TYR: variants seen among roughly 807,000 people sequenced by gnomAD.
TYR encodes the protein LB24-AB.
A neutral mutation model predicts 51.5 loss-of-function variants in TYR; 58 were observed. The observed-to-expected ratio is 1.13, with a 90% CI of 0.91 to 1.40. TYR has a LOEUF of 1.40. Among genes scored for constraint, TYR ranks in the 40% most tolerant of loss-of-function variants. The pLI is 0.00. For synonymous variants in TYR, 263 were observed against 235.2 expected (o/e 1.12, Z -1.08); for missense variants, 732 against 647.4 (o/e 1.13, Z -1.42).
At chr11:89,294,028 A>ATT (rs146465537) in intron 4 of TYR, 12,002 of 179,642 alleles carry the variant, frequency 0.067, 505 homozygotes, top group East Asian at 0.12. Flanking sequence ...TCTTTTTGTA[A>ATT]TTTTTTTTTA....
At chr11:89,293,604 C>T (rs1363007669) in intron 4 of TYR, 2 of 152,322 alleles carry the variant, frequency 1.3e-5, no homozygotes, top group African/African-American at 2.4e-5. Flanking sequence ...AAAACACACA[C>T]ACCAAAAAAA....
intron 4 of TYR, among the ~76,000 whole-genome samples, chr11:89,285,633 C>A (rs777796550): frequency 8.6e-5 from 13 of 151,732 alleles, no homozygotes; most frequent in Non-Finnish European, 1.3e-4. Context: ...TTCCTTCTAC[C>A]TGAAAGTCCA....
At position 89,275,557 on chromosome 11, in the gene TYR, G is replaced by A. The variant is rs112509318; in HGVS notation, c.1185-9216G>A. On this transcript the variant is annotated intron_variant, in intron 3 of 4. Coordinates refer to ENST00000263321, the MANE Select transcript of TYR (RefSeq NM_000372.5). ...TAAAATGGAATCAATAAAATATTAA[G>A]CAAGATATTGTTCAAAGGAAAACTT... Among the ~76,000 whole-genome samples, 139 of 151,894 alleles carry A rather than the reference G, an allele frequency of 9.2e-4. 2 individuals carry two copies. The highest frequency in any genetic ancestry group is 3.3e-3 in the African/African-American group (135 of 41,510).
intron 3 of TYR, chr11:89,283,681 T>G (rs528195440): frequency 1.3e-5 from 2 of 151,960 alleles, no homozygotes; most frequent in East Asian, 3.9e-4. Context: ...GCTCTTGTGT[T>G]CTTTCTTCTA....
At chr11:89,208,827 A>G (rs570126281) in intron 2 of TYR, among the ~76,000 whole-genome samples, 1 of 152,280 alleles carries the variant, frequency 6.6e-6, no homozygotes, top group South Asian at 2.1e-4. Context: ...GCAATTGCTT[A>G]TTTTTGTTGC....
At chr11:89,181,164 G>A (rs946541825) in intron 1 of TYR, among the ~76,000 whole-genome samples, 4 of 151,880 alleles carry the variant, frequency 2.6e-5, no homozygotes, top group African/African-American at 4.8e-5. Flanking sequence ...ACAGGGGCCT[G>A]CCACCACTCC....
rs770725604 is a variant in TYR, at chr11:89,191,308, C to T, written c.926C>T (p.Thr309Ile). Residue 309 changes from threonine to isoleucine, a missense_variant, in exon 2 of 5, where the codon ACC becomes ATC. By Grantham distance (89) the Thr-to-Ile change is moderately conservative. Transcript: ENST00000263321. ...CCTGGAAACCATGACAAATCCAGAACCCCAAGGCTCCCCTCTTCAGCTGAT... is the reference window on the plus strand; with the variant it reads ...CCTGGAAACCATGACAAATCCAGAATCCCAAGGCTCCCCTCTTCAGCTGAT... ...RNPGNHDKSR[T>I]PRLPSSADVE... 6.2e-7 allele frequency: 1 copy of T among 1,613,592 alleles called. No individual in the cohort carries two copies. The highest frequency in any genetic ancestry group is 1.3e-5 in the African/African-American group (1 of 74,858).
At position 89,206,915 on chromosome 11, in the gene TYR, A is replaced by T. The variant is rs140429529; in HGVS notation, c.1036+15497A>T. Among the ~76,000 whole-genome samples the T allele has an allele frequency of 3.3e-5, 5 of 152,258 alleles. No individual in the cohort carries two copies. In the East Asian group the frequency reaches 9.6e-4, roughly 29 times the overall value. On this transcript the variant is annotated intron_variant, in intron 2 of 4. Transcript: ENST00000263321. Reference sequence around the variant, plus strand: ...GAAAGACTTAAGGAAAATAAAATACATTTAAATAAATAAAATTAAAAACCA... The same window carrying T: ...GAAAGACTTAAGGAAAATAAAATACTTTTAAATAAATAAAATTAAAAACCA...
intron 3 of TYR, among the ~76,000 whole-genome samples, chr11:89,262,985 G>A (rs1944480336): frequency 6.6e-6 from 1 of 151,388 alleles, no homozygotes; most frequent in African/African-American, 2.4e-5. Context: ...GAGTAGGAGG[G>A]AACATTTCCT....
chr11:89,262,847 C>CAAAAAAAAAAAAAA (rs771958187), intron 3 of TYR, among the ~76,000 whole-genome samples: 3 of 19,296 alleles, frequency 1.6e-4, no homozygotes, highest in African/African-American at 6.0e-4. Context: ...GCTACTCATC[C>CAAAAAAAAAAAAAA]AAAAAAAAAA....
At chr11:89,251,922 A>C (rs890102005) in intron 3 of TYR, among the ~76,000 whole-genome samples, 2 of 151,792 alleles carry the variant, frequency 1.3e-5, no homozygotes, top group Non-Finnish European at 2.9e-5. Context: ...TGAGGTATGG[A>C]GGTGAGGGAA....
At chr11:89,264,525 A>G (rs1944501215) in intron 3 of TYR, among the ~76,000 whole-genome samples, 1 of 152,006 alleles carries the variant, frequency 6.6e-6, no homozygotes, top group South Asian at 2.1e-4. Flanking sequence ...TTGAAGACCT[A>G]AAGATGGAAA....
At chr11:89,216,571 TG>T (rs1402137748) in intron 2 of TYR, among the ~76,000 whole-genome samples, 6 of 143,476 alleles carry the variant, frequency 4.2e-5, no homozygotes, top group African/African-American at 8.0e-5. Flanking sequence ...GAGAATCGCT[TG>T]AACCCAGGAG....
intron 3 of TYR, among the ~76,000 whole-genome samples, chr11:89,279,383 G>A (rs573732306): frequency 3.3e-5 from 5 of 151,704 alleles, no homozygotes; most frequent in Admixed American, 2.6e-4. Context: ...TGCCCTATAC[G>A]TAGGAGGAGG....
intron 2 of TYR, among the ~76,000 whole-genome samples, chr11:89,220,214 T>C (rs1943889975): frequency 6.6e-6 from 1 of 152,144 alleles, no homozygotes; most frequent in African/African-American, 2.4e-5. Context: ...GACATCTGCC[T>C]GGCTTCTGGG....
intron 2 of TYR, among the ~76,000 whole-genome samples, chr11:89,224,021 C>T (rs939347048): frequency 4.0e-5 from 6 of 151,248 alleles, no homozygotes; most frequent in African/African-American, 4.9e-5. Flanking sequence ...CTTAAAATGT[C>T]GGTCCATTCT....
chr11:89,245,892 G>C (rs1456615979), intron 3 of TYR, among the ~76,000 whole-genome samples: 1 of 151,144 alleles, frequency 6.6e-6, no homozygotes, highest in African/African-American at 2.4e-5. Context: ...CTGCACTCCA[G>C]CCCGGGCGAC....
intron 2 of TYR, among the ~76,000 whole-genome samples, chr11:89,195,793 T>C (rs1421217537): frequency 6.6e-6 from 1 of 152,212 alleles, no homozygotes; most frequent in East Asian, 1.9e-4. Context: ...CCCTGTGCAG[T>C]GTCAGTTGTC....
intron 4 of TYR, among the ~76,000 whole-genome samples, chr11:89,285,479 A>ATT (rs1260905847): frequency 2.0e-5 from 3 of 151,720 alleles, no homozygotes; most frequent in Non-Finnish European, 4.4e-5. Context: ...GTTAATAATA[A>ATT]TAGCTATTAT....
Sources: gnomAD v4.1 joint callset for allele counts (sites outside exome capture counted in the v4.1 genomes callset) on GRCh38, gnomAD v4.1.1 for gene constraint, MANE v1.5 for transcripts, NCBI Gene and HGNC (gene_info 2026-07-23, HGNC 2026-07-21) for gene names.